SENP6: variants seen among roughly 807,000 people sequenced by gnomAD.
The protein encoded by SENP6 is sentrin-specific protease 6.
Under a neutral mutation model 134.5 loss-of-function variants are expected in SENP6, and 41 were observed. The observed-to-expected ratio is 0.30, with a 90% CI of 0.24 to 0.40. The LOEUF (loss-of-function observed/expected upper bound fraction) is 0.40. SENP6 is among the 10% of genes least tolerant of loss of function. The pLI is 1.00. For missense variants in SENP6, 1,248 were observed against 1,312.5 expected (o/e 0.95, Z 0.76); for synonymous variants, 395 against 429.8 (o/e 0.92, Z 1.00).
chr6:75,630,347 G>A (rs1464780161), intron 3 of SENP6, among the ~76,000 whole-genome samples: 1 of 152,198 alleles, frequency 6.6e-6, no homozygotes, highest in Non-Finnish European at 1.5e-5. Flanking sequence ...TGGGATTACA[G>A]GTTTGAGCTG....
chr6:75,678,283 G>A (rs1773228027), intron 14 of SENP6: 3 of 224,028 alleles, frequency 1.3e-5, no homozygotes, highest in Non-Finnish European at 1.7e-5. Context: ...TTTTTGAAAG[G>A]TTATTTGAAT....
chr6:75,604,464 C>A (rs1766872802), intron 1 of SENP6, among the ~76,000 whole-genome samples: 1 of 151,750 alleles, frequency 6.6e-6, no homozygotes, highest in African/African-American at 2.4e-5. Flanking sequence ...AAACCCCACT[C>A]TACTAAAAAT....
intron 1 of SENP6, among the ~76,000 whole-genome samples, chr6:75,608,877 T>C (rs571342688): frequency 2.3e-4 from 35 of 152,340 alleles, no homozygotes; most frequent in African/African-American, 8.4e-4. Context: ...GAAAAAGAGC[T>C]TCCTTTACTT....
At chr6:75,693,400 T>A (rs1323855599) in intron 16 of SENP6, among the ~76,000 whole-genome samples, 3 of 137,200 alleles carry the variant, frequency 2.2e-5, no homozygotes, top group African/African-American at 8.4e-5. Flanking sequence ...TGATACTCAG[T>A]CTGAAATTTA....
At chr6:75,602,692 C>T in intron 1 of SENP6, 116 bp downstream of exon 1, 2 of 1,059,900 alleles carry the variant, frequency 1.9e-6, no homozygotes, top group Non-Finnish European at 2.8e-6. Context: ...CGGTGAAGTA[C>T]GAGGGATGAG....
intron 5 of SENP6, 65 bp from the exon 6 acceptor site, chr6:75,640,619 A>T (rs1349323160): frequency 1.3e-5 from 14 of 1,097,148 alleles, no homozygotes; most frequent in Non-Finnish European, 1.8e-5. Context: ...AGTTACTGCA[A>T]CTACAGTGAT....
At chr6:75,706,024 C>G (rs954205236) in intron 19 of SENP6, among the ~76,000 whole-genome samples, 1 of 146,310 alleles carries the variant, frequency 6.8e-6, no homozygotes, top group Non-Finnish European at 1.5e-5. Context: ...GCAACCTCCC[C>G]CTCCTGGGTT....
intron 8 of SENP6, 128 bp from the exon 9 acceptor site, chr6:75,663,093 T>C (rs940375803): frequency 3.4e-6 from 3 of 880,194 alleles, no homozygotes; most frequent in Non-Finnish European, 5.2e-6. Context: ...TGCAGTAAAA[T>C]GCCAAAATCT....
In SENP6 at chr6:75,697,614, A is replaced by G. The variant is rs577215285; in HGVS notation, c.2288+97A>G. 5.0e-6 allele frequency: 4 copies of G among 792,536 alleles called. No individual in the cohort carries two copies. In the African/African-American group the frequency reaches 5.2e-5, roughly 10 times the overall value. 49.1% of individuals were successfully genotyped at this position (792,536 alleles called of 1,614,324 possible). ...TGAGGTGAAGAATTCATTTTAAAAC[A>G]TCTTTCTGAAATCTCTTGTGTATAT... On this transcript the variant is annotated intron_variant, in intron 18 of 23. Coordinates refer to ENST00000447266, the MANE Select transcript of SENP6 (RefSeq NM_015571.4).
At chr6:75,676,950 GAATT>G in intron 13 of SENP6, 76 bp from the exon 14 acceptor site, 1 of 717,372 alleles carries the variant, frequency 1.4e-6, no homozygotes, top group South Asian at 2.0e-5. Context: ...CTCCTGGAAA[GAATT>G]AATAATTACT....
At chr6:75,643,663 A>G (rs957472252) in intron 6 of SENP6, among the ~76,000 whole-genome samples, 1 of 152,204 alleles carries the variant, frequency 6.6e-6, no homozygotes, top group African/African-American at 2.4e-5. Flanking sequence ...CGAAGGTTGC[A>G]GTAAGCCAAG....
intron 16 of SENP6, among the ~76,000 whole-genome samples, chr6:75,680,266 AAGG>A (rs1196639198): frequency 2.0e-5 from 3 of 152,180 alleles, no homozygotes; most frequent in African/African-American, 7.2e-5. Flanking sequence ...GTGAATGCAG[AAGG>A]AGAACAGGCT....
intron 16 of SENP6, among the ~76,000 whole-genome samples, chr6:75,686,766 A>G (rs1043379295): frequency 1.3e-5 from 2 of 152,170 alleles, no homozygotes; most frequent in Non-Finnish European, 2.9e-5. Context: ...CGAGAGATCC[A>G]CTGTTAGTCT....
intron 5 of SENP6, among the ~76,000 whole-genome samples, chr6:75,636,068 A>G (rs572463394): frequency 6.6e-6 from 1 of 152,152 alleles, no homozygotes; most frequent in South Asian, 2.1e-4. Context: ...ACCCGTTAAT[A>G]GTCTGGAAAT....
At chr6:75,676,517 A>G in intron 13 of SENP6, 1 of 154,772 alleles carries the variant, frequency 6.5e-6, no homozygotes, top group East Asian at 1.9e-4. Flanking sequence ...TAACACTTAA[A>G]GCATGGCTTG....
chr6:75,677,441 C>G (rs979029192), intron 14 of SENP6, 185 bp downstream of exon 14: 6 of 498,768 alleles, frequency 1.2e-5, no homozygotes, highest in African/African-American at 1.2e-4. Context: ...GTGCCAAATA[C>G]CACTTGATAC....
chr6:75,692,646 G>A (rs1348329138), intron 16 of SENP6, among the ~76,000 whole-genome samples: 1 of 151,958 alleles, frequency 6.6e-6, no homozygotes, highest in African/African-American at 2.4e-5. Flanking sequence ...ATAAAGCACA[G>A]GCTGGGTGTG....
intron 16 of SENP6, among the ~76,000 whole-genome samples, chr6:75,687,329 C>T (rs915064706): frequency 6.6e-6 from 1 of 152,120 alleles, no homozygotes; most frequent in Non-Finnish European, 1.5e-5. Flanking sequence ...AGCTTCCTTG[C>T]GATGGGTTCG....
Position 75,628,601 on chromosome 6 carries a change from G to C in SENP6, c.207+4641G>C, listed in dbSNP as rs1029926763. Among the ~76,000 whole-genome samples the C allele has an allele frequency of 2.0e-5, 3 of 152,186 alleles. No individual in the cohort carries two copies. The South Asian group carries it at 6.2e-4, about 32-fold the overall frequency. On this transcript the variant is annotated intron_variant, in intron 3 of 23. Coordinates refer to ENST00000447266, the MANE Select transcript of SENP6 (RefSeq NM_015571.4). ...TCTTAAAAATTGACACATAACAATT[G>C]TACATATTTATGGAGGGAAATTTCT...
Sources: gnomAD v4.1 joint callset for allele counts (sites outside exome capture counted in the v4.1 genomes callset) on GRCh38, gnomAD v4.1.1 for gene constraint, MANE v1.5 for transcripts, NCBI Gene and HGNC (gene_info 2026-07-23, HGNC 2026-07-21) for gene names.